Variants in PLA2G4C observed in about 807,000 individuals in gnomAD.
The protein encoded by PLA2G4C is cytosolic phospholipase A2 gamma.
Under a neutral mutation model 73.8 loss-of-function variants are expected in PLA2G4C, and 64 were observed. The ratio of observed to expected loss-of-function variants is 0.87; its 90% CI spans 0.71 to 1.07. The LOEUF (loss-of-function observed/expected upper bound fraction) is 1.07. PLA2G4C is among the 50% of genes least tolerant of loss of function. The pLI is 0.00. For missense variants in PLA2G4C, 622 were observed against 665.4 expected (o/e 0.93, Z 0.72); for synonymous variants, 254 against 252.1 (o/e 1.01, Z -0.07).
In PLA2G4C at chr19:48,063,278, G is replaced by A. The variant is rs895450281; in HGVS notation, c.1103-1126C>T. Among the ~76,000 whole-genome samples the A allele has an allele frequency of 1.4e-4, 22 of 152,082 alleles. No individual in the cohort carries two copies. The East Asian group carries it at 1.6e-3, about 11-fold the overall frequency. ...AGGCTGGTCTTGAACTCCTGACCTC[G>A]TGATCTACCCGCTTCTGCCTCCCAA... is the stretch of plus-strand genomic sequence containing the variant. On this transcript the variant is annotated intron_variant, in intron 13 of 16. Transcript: ENST00000599921.
At chr19:48,058,521 A>G (rs1223707498) in intron 14 of PLA2G4C, among the ~76,000 whole-genome samples, 2 of 152,118 alleles carry the variant, frequency 1.3e-5, no homozygotes, top group East Asian at 3.9e-4. Context: ...AGTACCTTCT[A>G]AAGATTTGAC....
In PLA2G4C at chr19:48,099,823, C is replaced by T. The variant is rs1409495851; in HGVS notation, c.295G>A (p.Glu99Lys). The change falls in exon 5 of 17, where the codon GAA (glutamate) becomes AAA (lysine). Residue 99 changes from glutamate (E) to lysine (K), a missense_variant. By Grantham distance (56) the Glu-to-Lys change is moderately conservative. Transcript: ENST00000599921. ...TGTTTCAGGTCAGCCTCGAGAGCTT[C>T]CATGTCACCATCATTGGTGTAGAGA... Reference protein sequence around the residue: ...SSLYTNDGDMEALEADLKHRF... With the variant: ...SSLYTNDGDMKALEADLKHRF... 1.2e-6 allele frequency: 2 copies of T among 1,613,744 alleles called. No individual in the cohort carries two copies. The highest frequency in any genetic ancestry group is 1.7e-6 in the Non-Finnish European group (2 of 1,179,828).
At chr19:48,075,252 C>A (rs1259226896) in intron 11 of PLA2G4C, among the ~76,000 whole-genome samples, 1 of 151,468 alleles carries the variant, frequency 6.6e-6, no homozygotes, top group Non-Finnish European at 1.5e-5. Flanking sequence ...GGGGCAATCT[C>A]AGCTCACTGC....
At position 48,094,267 on chromosome 19, in the gene PLA2G4C, A is replaced by T. The variant is rs183603688; in HGVS notation, c.709+1197T>A. ...CTTACCATGAATTATTTTTCAAGAT[A>T]GCATTTACTATGATCTGACATTATA... On this transcript the variant is annotated intron_variant, in intron 7 of 16. Transcript: ENST00000599921. Among the ~76,000 whole-genome samples the T allele has an allele frequency of 4.6e-5, 7 of 152,336 alleles. No individual in the cohort carries two copies. The East Asian group carries it at 1.2e-3, about 25-fold the overall frequency.
At chr19:48,084,506 A>G (rs540069320) in intron 10 of PLA2G4C, among the ~76,000 whole-genome samples, 1 of 152,314 alleles carries the variant, frequency 6.6e-6, no homozygotes, top group South Asian at 2.1e-4. Flanking sequence ...GGAGAGCCAC[A>G]GAAGGCCTTT....
At chr19:48,057,099 G>A (rs893359246) in intron 14 of PLA2G4C, among the ~76,000 whole-genome samples, 5 of 151,998 alleles carry the variant, frequency 3.3e-5, no homozygotes, top group African/African-American at 1.2e-4. Flanking sequence ...GTTTACCTAT[G>A]GAACAAACCT....
chr19:48,089,817 G>C (rs1041332263), intron 8 of PLA2G4C, among the ~76,000 whole-genome samples: 2 of 152,138 alleles, frequency 1.3e-5, no homozygotes, highest in Admixed American at 6.5e-5. Flanking sequence ...CCACCACCCA[G>C]TTCTCCTATA....
chr19:48,062,760 T>A (rs1358808388), intron 13 of PLA2G4C, among the ~76,000 whole-genome samples: 1 of 152,192 alleles, frequency 6.6e-6, no homozygotes, highest in African/African-American at 2.4e-5. Flanking sequence ...AGCTGCCTTC[T>A]CAGCAGCAAT....
intron 14 of PLA2G4C, among the ~76,000 whole-genome samples, chr19:48,055,429 G>C (rs972431455): frequency 7.4e-6 from 1 of 135,666 alleles, no homozygotes; most frequent in Non-Finnish European, 1.5e-5. Context: ...GCCAGGCATG[G>C]GGGCGTGCAC....
intron 14 of PLA2G4C, 86 bp downstream of exon 14, chr19:48,061,912 G>T: frequency 1.4e-6 from 2 of 1,395,356 alleles, no homozygotes; most frequent in Non-Finnish European, 2.0e-6. Context: ...CCGCTTCCCA[G>T]CCCGCGTCCT....
At chr19:48,091,951 GA>G (rs996929325) in intron 7 of PLA2G4C, among the ~76,000 whole-genome samples, 1 of 135,866 alleles carries the variant, frequency 7.4e-6, no homozygotes, top group Non-Finnish European at 1.6e-5. Context: ...AAAAACCCCA[GA>G]AAACAATAAG....
chr19:48,104,391 A>C, intron 4 of PLA2G4C, 197 bp downstream of exon 4: 2 of 519,046 alleles, frequency 3.9e-6, no homozygotes, highest in South Asian at 5.2e-5. Context: ...TTTGGGACTG[A>C]GCCCCTTTCA....
chr19:48,066,737 G>C (rs1968438158), intron 13 of PLA2G4C, among the ~76,000 whole-genome samples: 1 of 152,086 alleles, frequency 6.6e-6, no homozygotes, highest in East Asian at 1.9e-4. Context: ...GGCTGAGGTG[G>C]GAGGATCGCT....
In PLA2G4C at chr19:48,099,735, C is replaced by T. The variant is rs145903320; in HGVS notation, c.383G>A (p.Arg128Lys). 7 of 1,613,960 alleles carry T rather than the reference C, an allele frequency of 4.3e-6. No homozygotes were observed. In the African/African-American group the frequency reaches 5.3e-5, roughly 12 times the overall value. ...GTCGGTCAGAGAGTAATTCTCAGAC[C>T]TCGCTGCTTGGATGGTTTTCTGTAG... The part of the protein sequence containing the change: ...KSLQKTIQAA[R>K]SENYSLTDFW... Residue 128 changes from arginine (R) to lysine (K), a missense_variant, in exon 5 of 17, where the codon AGG (arginine) becomes AAG (lysine). Coordinates refer to ENST00000599921, the MANE Select transcript of PLA2G4C (RefSeq NM_003706.3).
At chr19:48,086,200 G>A (rs2030965899) in intron 9 of PLA2G4C, among the ~76,000 whole-genome samples, 1 of 152,174 alleles carries the variant, frequency 6.6e-6, no homozygotes, top group East Asian at 1.9e-4. Context: ...ATCTCTGCAG[G>A]GAAAGCTTAT....
intron 14 of PLA2G4C, chr19:48,061,607 T>C: frequency 4.8e-6 from 1 of 207,768 alleles, no homozygotes; most frequent in Non-Finnish European, 9.9e-6. Flanking sequence ...TGAGGGCCAC[T>C]ATTTGCCCAG....
chr19:48,064,219 A>G (rs1248839555), intron 13 of PLA2G4C, among the ~76,000 whole-genome samples: 2 of 152,204 alleles, frequency 1.3e-5, no homozygotes, highest in Non-Finnish European at 2.9e-5. Context: ...ACCTGAGGTC[A>G]GGAGTTCAAG....
intron 14 of PLA2G4C, among the ~76,000 whole-genome samples, chr19:48,055,410 T>TATATATATATATATATA (rs201946576): frequency 8.1e-5 from 12 of 148,346 alleles, no homozygotes; most frequent in African/African-American, 2.8e-4. Context: ...TATATATATA[T>TATATATATATATATATA]TTCAATTAGC....
chr19:48,063,871 T>C (rs7260109), intron 13 of PLA2G4C: 122,107 of 151,406 alleles, frequency 0.81, 49,296 homozygotes, highest in Middle Eastern at 0.88. Context: ...AAAGGGGTCC[T>C]GATCCAGACC....
Sources: gnomAD v4.1 joint callset for allele counts (sites outside exome capture counted in the v4.1 genomes callset) on GRCh38, gnomAD v4.1.1 for gene constraint, MANE v1.5 for transcripts, NCBI Gene and HGNC (gene_info 2026-07-23, HGNC 2026-07-21) for gene names.